MLLT1: variants seen among roughly 807,000 people sequenced by gnomAD.
MLLT1 encodes the protein protein ENL.
Under a neutral mutation model 55.1 loss-of-function variants are expected in MLLT1, and 11 were observed. That is an observed-to-expected ratio of 0.20 (90% confidence interval 0.13 to 0.33). The LOEUF is 0.33. MLLT1 is among the 10% of genes least tolerant of loss of function. The pLI is 1.00. For missense variants in MLLT1, 536 were observed against 760.6 expected, an observed-to-expected ratio of 0.70 and a Z score of 3.47; for synonymous variants, 323 against 320.1, an observed-to-expected ratio of 1.01 and a Z score of -0.10.
chr19:6,218,219 G>A (rs975412365), intron 6 of MLLT1, among the ~76,000 whole-genome samples, 178 bp from the exon 7 acceptor site: 2 of 152,216 alleles, frequency 1.3e-5, no homozygotes, highest in African/African-American at 4.8e-5. Flanking sequence ...CAGCGGCCAG[G>A]CCATGCGCAG....
chr19:6,250,908 C>T (rs560628944), intron 3 of MLLT1, among the ~76,000 whole-genome samples: 13 of 152,170 alleles, frequency 8.5e-5, no homozygotes, highest in South Asian at 4.2e-4. Context: ...GTTACTTGGC[C>T]GTGAAAAGGA....
intron 1 of MLLT1, among the ~76,000 whole-genome samples, chr19:6,272,022 CCT>C (rs2091399277): frequency 6.6e-6 from 1 of 152,256 alleles, no homozygotes; most frequent in South Asian, 2.1e-4. Flanking sequence ...TCTCCGTCCC[CCT>C]CTGAGCTCTC....
At position 6,256,978 on chromosome 19, in the gene MLLT1, A is replaced by G. The variant is rs1316731317; in HGVS notation, c.276+5250T>C. Among the ~76,000 whole-genome samples, 1 of 152,176 alleles carries G rather than the reference A, an allele frequency of 6.6e-6. No individual in the cohort carries two copies. The highest frequency in any genetic ancestry group is 1.5e-5 in the Non-Finnish European group (1 of 68,024). On this transcript the variant is annotated intron_variant, in intron 3 of 11. Coordinates refer to ENST00000252674, the MANE Select transcript of MLLT1 (RefSeq NM_005934.4). The surrounding 1 kb of genome is among the most constrained non-coding windows in gnomAD (Gnocchi z 4.1). ...GGTGCTGGGACACCTGGAAAACCAC[A>G]TGCAAAAGAATACTGTTAGACCCCC...
In MLLT1 at chr19:6,260,318, T is replaced by C. The variant is rs1336487812; in HGVS notation, c.276+1910A>G. On this transcript the variant is annotated intron_variant, in intron 3 of 11. Transcript: ENST00000252674. ...CAGGAAGTCAGGACAGAAACAGCCC[T>C]GGAGTCTGCATTTCAGACTCAGTTG... Among the ~76,000 whole-genome samples, 4 of 152,200 alleles carry C rather than the reference T, an allele frequency of 2.6e-5. 1 individual carries two copies. In the South Asian group the frequency reaches 8.3e-4, roughly 31 times the overall value.
At position 6,217,926 on chromosome 19, in the gene MLLT1, G is replaced by T. The variant is rs371283692; in HGVS notation, c.1198+28C>A. The T allele has an allele frequency of 3.2e-6, 5 of 1,580,098 alleles. No individual in the cohort carries two copies. In the Admixed American group the frequency reaches 5.7e-5, roughly 18 times the overall value. On this transcript the variant is annotated intron_variant, in intron 7 of 11. Coordinates refer to ENST00000252674, the MANE Select transcript of MLLT1 (RefSeq NM_005934.4). ...CTCCAGGCCCTCCCCGGCCCCATCC[G>T]TGCCCCCCAGCTGCTCTCCATACAC...
At chr19:6,225,456 G>T (rs2090946666) in intron 5 of MLLT1, among the ~76,000 whole-genome samples, 1 of 152,234 alleles carries the variant, frequency 6.6e-6, no homozygotes, top group African/African-American at 2.4e-5. Context: ...GCCGGTTCAT[G>T]GGCCTGTGCC....
intron 2 of MLLT1, among the ~76,000 whole-genome samples, chr19:6,268,452 C>G (rs997599408): frequency 6.6e-5 from 10 of 152,122 alleles, no homozygotes; most frequent in Non-Finnish European, 1.2e-4. Flanking sequence ...AAGACAGCCC[C>G]GGGGAGGGAG....
rs1298603650 is a variant in MLLT1, at chr19:6,262,602, A to T, written c.194-292T>A. The stretch of plus-strand genomic sequence containing the variant: ...GTCATCGGGATACTTGCTCCTGCAG[A>T]GGATGAGGAGGCTGAGGCCAGAGAA... On this transcript the variant is annotated intron_variant, in intron 2 of 11. Coordinates refer to ENST00000252674, the MANE Select transcript of MLLT1 (RefSeq NM_005934.4). The surrounding 1 kb of genome is among the most constrained non-coding windows in gnomAD (Gnocchi z 4.4). Among the ~76,000 whole-genome samples the T allele has an allele frequency of 2.0e-5, 3 of 152,192 alleles. No individual in the cohort carries two copies. Among genetic ancestry groups the T allele is most frequent in the Non-Finnish European group, 4.4e-5 (3 of 68,026 alleles).
At position 6,219,180 on chromosome 19, in the gene MLLT1, C is replaced by T. The variant is rs988208738; in HGVS notation, c.1111-1139G>A. On this transcript the variant is annotated intron_variant, in intron 6 of 11. Transcript: ENST00000252674. The surrounding 1 kb of genome is among the most constrained non-coding windows in gnomAD (Gnocchi z 4.5). ...CCCAAGGCCTCCCCAAGCAGCAGGT[C>T]CAGACTCACCCGTGCCTGAGAGGGA... Among the ~76,000 whole-genome samples the T allele has an allele frequency of 6.6e-6, 1 of 152,144 alleles. No individual in the cohort carries two copies. The highest frequency in any genetic ancestry group is 2.4e-5 in the African/African-American group (1 of 41,436).
At position 6,226,939 on chromosome 19, in the gene MLLT1, C is replaced by T. The variant is rs750940986; in HGVS notation, c.546+38G>A. 60 of 1,517,250 alleles carry T rather than the reference C, an allele frequency of 4.0e-5. No homozygotes were observed. The highest frequency in any genetic ancestry group is 3.8e-4 in the East Asian group (15 of 39,426). 94.0% of individuals were successfully genotyped at this position (1,517,250 alleles called of 1,614,324 possible). The stretch of plus-strand genomic sequence containing the variant: ...GGCCAGACCCACCACAGCTGGGCCC[C>T]GGCGCTCCCACGCGACTGGGCCTTC... On this transcript the variant is annotated intron_variant, in intron 5 of 11. Coordinates refer to ENST00000252674, the MANE Select transcript of MLLT1 (RefSeq NM_005934.4). This position sits in a 1 kb window ranked among gnomAD's most constrained non-coding sequence, Gnocchi z 6.3.
At chr19:6,249,195 T>A (rs2091194533) in intron 3 of MLLT1, among the ~76,000 whole-genome samples, 1 of 152,222 alleles carries the variant, frequency 6.6e-6, no homozygotes. Context: ...AAATATTGAT[T>A]ACATGTTGAA....
Position 6,257,901 on chromosome 19 carries a change from G to A in MLLT1, c.276+4327C>T, listed in dbSNP as rs113731418. On this transcript the variant is annotated intron_variant, in intron 3 of 11. Transcript: ENST00000252674. The stretch of plus-strand genomic sequence containing the variant: ...CATGTGAAAAGACGTGAAACATCAC[G>A]GGTCATCAAGGAAATGCAAATAAAA... Among the ~76,000 whole-genome samples the A allele has an allele frequency of 2.7e-3, 413 of 152,238 alleles. 1 individual carries two copies. Among genetic ancestry groups the A allele is most frequent in the African/African-American group, 9.2e-3 (382 of 41,530 alleles).
intron 8 of MLLT1, among the ~76,000 whole-genome samples, chr19:6,214,682 TTC>T (rs1432261691): frequency 1.3e-5 from 2 of 152,148 alleles, no homozygotes; most frequent in African/African-American, 4.8e-5. Context: ...GGGCCCATTT[TTC>T]TCTCACTCTG....
intron 8 of MLLT1, among the ~76,000 whole-genome samples, chr19:6,215,100 G>A (rs1000316106): frequency 2.6e-5 from 4 of 152,104 alleles, no homozygotes; most frequent in Non-Finnish European, 5.9e-5. Context: ...CTGCAGACTG[G>A]GCTTCCCAGG....
intron 5 of MLLT1, among the ~76,000 whole-genome samples, chr19:6,224,710 A>G (rs1212914436): frequency 1.3e-5 from 2 of 152,180 alleles, no homozygotes; most frequent in Non-Finnish European, 2.9e-5. Context: ...ATTAGGCACT[A>G]CGATTTTTTT....
At position 6,268,979 on chromosome 19, in the gene MLLT1, C is replaced by T. The variant is rs150196223; in HGVS notation, c.193+1600G>A. On this transcript the variant is annotated intron_variant, in intron 2 of 11. Coordinates refer to ENST00000252674, the MANE Select transcript of MLLT1 (RefSeq NM_005934.4). ...CAACAGCCTCAAAGTGGATGGAAAT[C>T]AGCGTCCGGGGCCCATCCCTGTGCT... Among the ~76,000 whole-genome samples the T allele has an allele frequency of 1.7e-3, 252 of 152,306 alleles. 3 individuals carry two copies. Among genetic ancestry groups the T allele is most frequent in the African/African-American group, 5.7e-3 (235 of 41,552 alleles).
chr19:6,216,350 G>A, intron 8 of MLLT1, 55 bp downstream of exon 8: 1 of 1,308,556 alleles, frequency 7.6e-7, no homozygotes. Flanking sequence ...TGCAGACCCA[G>A]CCGGAGTCGC....
Position 6,256,676 on chromosome 19 carries a change from C to A in MLLT1, c.276+5552G>T, listed in dbSNP as rs2091259518. Among the ~76,000 whole-genome samples, 1 of 152,116 alleles carries A rather than the reference C, an allele frequency of 6.6e-6. No homozygotes were observed. Among genetic ancestry groups the A allele is most frequent in the African/African-American group, 2.4e-5 (1 of 41,400 alleles). ...GGCTGAGGCAGGAGAATGGTGTGAA[C>A]CCGGGAGGCGGAGCTTGCAGTGAGC... On this transcript the variant is annotated intron_variant, in intron 3 of 11. Coordinates refer to ENST00000252674, the MANE Select transcript of MLLT1 (RefSeq NM_005934.4). This position sits in a 1 kb window ranked among gnomAD's most constrained non-coding sequence, Gnocchi z 4.1.
intron 1 of MLLT1, among the ~76,000 whole-genome samples, chr19:6,275,662 G>A (rs1343231755): frequency 6.6e-6 from 1 of 152,140 alleles, no homozygotes; most frequent in African/African-American, 2.4e-5. Context: ...GGGGCTAGGG[G>A]CCAGCACCTC....
Sources: gnomAD v4.1 joint callset for allele counts (sites outside exome capture counted in the v4.1 genomes callset) on GRCh38, gnomAD v4.1.1 for gene constraint, Gnocchi (gnomAD v3.1) non-coding constraint, MANE v1.5 for transcripts, NCBI Gene and HGNC (gene_info 2026-07-23, HGNC 2026-07-21) for gene names.